Variants in CXCL5 observed in about 807,000 individuals in gnomAD.
CXCL5 encodes C-X-C motif chemokine 5.
In CXCL5, 13 loss-of-function variants were observed where a neutral mutation model predicts 12.1. The observed-to-expected ratio is 1.08, with a 90% CI of 0.70 to 1.71. The LOEUF (loss-of-function observed/expected upper bound fraction) is 1.71, where lower values mean the gene tolerates loss of function less well. CXCL5 is among the 40% of genes most tolerant of loss of function. The pLI, the probability that CXCL5 is intolerant of heterozygous loss-of-function variation, is 0.00. For synonymous variants in CXCL5, 67 were observed against 59.0 expected (o/e 1.14, Z -0.62); for missense variants, 159 against 142.4 (o/e 1.12, Z -0.59).
chr4:73,996,368 C>G lies in CXCL5; in HGVS notation c.*1269G>C, dbSNP rs1719192190. The G allele has an allele frequency of 6.6e-6, 1 of 152,584 alleles. No individual in the cohort carries two copies. The highest frequency in any genetic ancestry group is 2.4e-5 in the African/African-American group (1 of 41,440). 9.5% of individuals were successfully genotyped at this position (152,584 alleles called of 1,614,324 possible). The stretch of plus-strand genomic sequence containing the variant: ...CCGACAGGCATCTTCCCTGCCCTCC[C>G]CGCTCCCGCTCGTCTTCTGCAATCC... On this transcript the variant is annotated 3_prime_UTR_variant, in exon 4 of 4. Transcript: ENST00000296027.
Position 73,996,723 on chromosome 4 carries a change from G to A in CXCL5, c.*914C>T, listed in dbSNP as rs1458372077. 1 of 152,448 alleles carries A rather than the reference G, an allele frequency of 6.6e-6. No homozygotes were observed. Among genetic ancestry groups the A allele is most frequent in the Middle Eastern group, 3.4e-3 (1 of 294 alleles). The allele number at this position is 152,448 out of a possible 1,614,324, so 9.4% of individuals were successfully genotyped here. ...ATTTATATTCAAATTGTTTGAATAC[G>A]TTTCCAAAACTTTCAGAGTACAAGT... On this transcript the variant is annotated 3_prime_UTR_variant, in exon 4 of 4. Coordinates refer to ENST00000296027, the MANE Select transcript of CXCL5 (RefSeq NM_002994.5).
In CXCL5 at chr4:73,995,906, A is replaced by T. The variant is rs1719181718; in HGVS notation, c.*1731T>A. 1 of 150,850 alleles carries T rather than the reference A, an allele frequency of 6.6e-6. No individual in the cohort carries two copies. Among genetic ancestry groups the T allele is most frequent in the Non-Finnish European group, 1.5e-5 (1 of 67,692 alleles). 9.3% of individuals were successfully genotyped at this position (150,850 alleles called of 1,614,324 possible). Reference sequence around the variant, plus strand: ...CCAAGAAATGTTTTATTTTTCTTGCAGTAGCTTTGTTAATTGCACAAAATT... The same window carrying T: ...CCAAGAAATGTTTTATTTTTCTTGCTGTAGCTTTGTTAATTGCACAAAATT... On this transcript the variant is annotated 3_prime_UTR_variant, in exon 4 of 4. Coordinates refer to ENST00000296027, the MANE Select transcript of CXCL5 (RefSeq NM_002994.5).
rs1332152436 is a variant in CXCL5, at chr4:73,996,539, TAC to T, written c.*1096_*1097del. The T allele has an allele frequency of 6.6e-6, 1 of 152,486 alleles. No individual in the cohort carries two copies. Among genetic ancestry groups the T allele is most frequent in the African/African-American group, 2.4e-5 (1 of 41,386 alleles). The allele number at this position is 152,486 out of a possible 1,614,324, so 9.4% of individuals were successfully genotyped here. ...TTATGATTTTGGAAAATCTAACCCA[TAC>T]AGAGGGATAAAAAATTGACATCCCT... On this transcript the variant is annotated 3_prime_UTR_variant, in exon 4 of 4. Coordinates refer to ENST00000296027, the MANE Select transcript of CXCL5 (RefSeq NM_002994.5).
At chr4:73,998,375 T>C in intron 1 of CXCL5, 37 bp from the exon 2 acceptor site, 1 of 1,612,184 alleles carries the variant, frequency 6.2e-7, no homozygotes. Flanking sequence ...ATAGGGCAGG[T>C]TGCTGGGAGA....
At position 73,998,344 on chromosome 4, in the gene CXCL5, GAAGA is replaced by G. The variant is rs748488678; in HGVS notation, c.110-10_110-7del. 4.6e-5 allele frequency: 74 copies of G among 1,613,922 alleles called. No individual in the cohort carries two copies. Among genetic ancestry groups the G allele is most frequent in the Non-Finnish European group, 6.0e-5 (71 of 1,180,018 alleles). On this transcript the variant is annotated splice_region_variant and splice_polypyrimidine_tract_variant and intron_variant, in intron 1 of 3. Coordinates refer to ENST00000296027, the MANE Select transcript of CXCL5 (RefSeq NM_002994.5). ...CACAGCAGCGGCAGGACCAGCTGGGGAAGAAAGAGAGACACCCTTTATAGGGCAG... is the reference window on the plus strand; with the variant it reads ...CACAGCAGCGGCAGGACCAGCTGGGGAAGAGAGACACCCTTTATAGGGCAG...
chr4:73,998,452 C>T (rs1301600048), intron 1 of CXCL5, 21 bp downstream of exon 1: 1 of 1,606,766 alleles, frequency 6.2e-7, no homozygotes, highest in Non-Finnish European at 8.5e-7. Flanking sequence ...CGAGTGCGTC[C>T]CGCGCGCCAT....
chr4:73,998,001 G>C lies in CXCL5; in HGVS notation c.326+11C>G. 1 of 1,610,118 alleles carries C rather than the reference G, an allele frequency of 6.2e-7. No individual in the cohort carries two copies. The highest frequency in any genetic ancestry group is 8.5e-7 in the Non-Finnish European group (1 of 1,176,466). ...AGATTTAGAAACCACAAAGATCAAAGTGACAAGTACCCGTCCAAAATTTTC... is the reference window on the plus strand; with the variant it reads ...AGATTTAGAAACCACAAAGATCAAACTGACAAGTACCCGTCCAAAATTTTC... On this transcript the variant is annotated intron_variant, in intron 3 of 3. Transcript: ENST00000296027.
chr4:73,997,880 T>A, intron 3 of CXCL5, 132 bp downstream of exon 3: 1 of 963,072 alleles, frequency 1.0e-6, no homozygotes, highest in East Asian at 2.4e-5. Context: ...AGAAAAACTT[T>A]CCCAATTCAA....
chr4:73,997,302 T>A lies in CXCL5; in HGVS notation c.*335A>T, dbSNP rs1239380830. On this transcript the variant is annotated 3_prime_UTR_variant, in exon 4 of 4. Coordinates refer to ENST00000296027, the MANE Select transcript of CXCL5 (RefSeq NM_002994.5). ...TTGGAAATATAATAGTCACCTACAATTCAAGACACTTTGAAAGATTAACAG... is the reference window on the plus strand; with the variant it reads ...TTGGAAATATAATAGTCACCTACAAATCAAGACACTTTGAAAGATTAACAG... The A allele has an allele frequency of 3.7e-6, 1 of 268,010 alleles. No homozygotes were observed. The highest frequency in any genetic ancestry group is 6.9e-6 in the Non-Finnish European group (1 of 144,916). The allele number at this position is 268,010 out of a possible 1,614,324, so 16.6% of individuals were successfully genotyped here.
chr4:73,997,745 TA>T, intron 3 of CXCL5, 90 bp from the exon 4 acceptor site: 2 of 1,089,706 alleles, frequency 1.8e-6, no homozygotes, highest in South Asian at 1.4e-5. Flanking sequence ...TGATGTTTGG[TA>T]AAAAAGGAGA....
Position 73,997,501 on chromosome 4 carries a change from A to G in CXCL5, c.*136T>C, listed in dbSNP as rs1719221005. 1 of 710,502 alleles carries G rather than the reference A, an allele frequency of 1.4e-6. No individual in the cohort carries two copies. 44.0% of individuals were successfully genotyped at this position (710,502 alleles called of 1,614,324 possible). ...CTTCAAAGTGAGGAATCCAGGAAGAAAGCTAACTACTGGAAAAACAAATAA... is the reference window on the plus strand; with the variant it reads ...CTTCAAAGTGAGGAATCCAGGAAGAGAGCTAACTACTGGAAAAACAAATAA... On this transcript the variant is annotated 3_prime_UTR_variant, in exon 4 of 4. Coordinates refer to ENST00000296027, the MANE Select transcript of CXCL5 (RefSeq NM_002994.5).
Position 73,995,994 on chromosome 4 carries a change from T to G in CXCL5, c.*1643A>C. ...CCTATTCTGAAAGACAAATGTTCAT[T>G]AAAAACAAAGCAAAAATAGAAATTC... On this transcript the variant is annotated 3_prime_UTR_variant, in exon 4 of 4. Transcript: ENST00000296027. The G allele has an allele frequency of 6.6e-6, 1 of 152,344 alleles. No homozygotes were observed. The highest frequency in any genetic ancestry group is 1.9e-4 in the East Asian group (1 of 5,192). 9.4% of individuals were successfully genotyped at this position (152,344 alleles called of 1,614,324 possible).
chr4:73,998,217 C>T lies in CXCL5; in HGVS notation c.231G>A (p.Lys77=). The T allele has an allele frequency of 1.2e-6, 2 of 1,614,248 alleles. No homozygotes were observed. Among genetic ancestry groups the T allele is most frequent in the East Asian group, 2.2e-5 (1 of 44,882 alleles). The change falls in exon 2 of 4, where the codon AAG becomes AAA. Residue 77 remains lysine, a synonymous_variant. Transcript: ENST00000296027. ...AGCACAGAACTTACACCACTTCCAC[C>T]TTGGAGCACTGTGGGCCTATGGCGA... ...QVFAIGPQCS[K]VEVVASLKNG...
At position 73,998,065 on chromosome 4, in the gene CXCL5, A is replaced by G. The variant is rs1273948177; in HGVS notation, c.273T>C (p.Cys91=). 1 of 1,614,130 alleles carries G rather than the reference A, an allele frequency of 6.2e-7. No individual in the cohort carries two copies. Among genetic ancestry groups the G allele is most frequent in the Middle Eastern group, 1.6e-4 (1 of 6,062 alleles). Reference sequence around the variant, plus strand: ...TTAGAAAAGGGGCTTCTGGATCAAGACAAATTTCCTTCCCGTTCTTCAGGG... The same window carrying G: ...TTAGAAAAGGGGCTTCTGGATCAAGGCAAATTTCCTTCCCGTTCTTCAGGG... ...VASLKNGKEI[C]LDPEAPFLKK... The change falls in exon 3 of 4, where the codon TGT becomes TGC. Residue 91 remains cysteine, a synonymous_variant. Coordinates refer to ENST00000296027, the MANE Select transcript of CXCL5 (RefSeq NM_002994.5).
At position 73,998,597 on chromosome 4, in the gene CXCL5, G is replaced by T. The variant is rs201000826; in HGVS notation, c.-16C>A. On this transcript the variant is annotated 5_prime_UTR_variant, in exon 1 of 4. Transcript: ENST00000296027. Reference sequence around the variant, plus strand: ...GGAGGCTCATAGTGGTCAAGAGAGCGCTGCGAGCGGTCGCGGGTTCCTGAA... The same window carrying T: ...GGAGGCTCATAGTGGTCAAGAGAGCTCTGCGAGCGGTCGCGGGTTCCTGAA... The T allele has an allele frequency of 3.2e-6, 5 of 1,566,086 alleles. No individual in the cohort carries two copies. The highest frequency in any genetic ancestry group is 2.4e-5 in the East Asian group (1 of 41,882).
chr4:73,998,243 A>T lies in CXCL5; in HGVS notation c.205T>A (p.Phe69Ile). ...HPKMISNLQV[F>I]AIGPQCSKVE... ...TTGGAGCACTGTGGGCCTATGGCGA[A>T]CACTTGCAGATTACTGATCATTTTG... Residue 69 changes from phenylalanine to isoleucine, a missense_variant, in exon 2 of 4, where the codon TTC becomes ATC. Phe to Ile is a conservative substitution (Grantham distance 21). Transcript: ENST00000296027. 6.2e-7 allele frequency: 1 copy of T among 1,614,170 alleles called. No homozygotes were observed. The highest frequency in any genetic ancestry group is 8.5e-7 in the Non-Finnish European group (1 of 1,180,026).
rs1719187474 is a variant in CXCL5, at chr4:73,996,175, A to C, written c.*1462T>G. On this transcript the variant is annotated 3_prime_UTR_variant, in exon 4 of 4. Coordinates refer to ENST00000296027, the MANE Select transcript of CXCL5 (RefSeq NM_002994.5). ...AGCTTAAACAGAAATATTTGTAAAAATAAACTTTACAGCATTATCAAGGAT... is the reference window on the plus strand; with the variant it reads ...AGCTTAAACAGAAATATTTGTAAAACTAAACTTTACAGCATTATCAAGGAT... The C allele has an allele frequency of 6.6e-6, 1 of 152,668 alleles. No individual in the cohort carries two copies. Among genetic ancestry groups the C allele is most frequent in the African/African-American group, 2.4e-5 (1 of 41,462 alleles). The allele number at this position is 152,668 out of a possible 1,614,324, so 9.5% of individuals were successfully genotyped here.
At chr4:73,998,161 T>A (rs1719239010) in intron 2 of CXCL5, 45 bp downstream of exon 2, 3 of 1,613,966 alleles carry the variant, frequency 1.9e-6, no homozygotes, top group African/African-American at 1.3e-5. Context: ...CTGCGGGATT[T>A]CTCTCTTGCC....
chr4:73,998,572 G>A lies in CXCL5; in HGVS notation c.10C>T (p.Leu4=). 6.3e-7 allele frequency: 1 copy of A among 1,586,766 alleles called. No individual in the cohort carries two copies. The highest frequency in any genetic ancestry group is 8.6e-7 in the Non-Finnish European group (1 of 1,166,516). Residue 4 remains leucine, a synonymous_variant, in exon 1 of 4, where the codon CTG becomes TTG. Transcript: ENST00000296027. The part of the protein sequence containing the change: MSL[L]SSRAARVPGP... ...GGGACACGGGCCGCGCGGCTGGACAGGAGGCTCATAGTGGTCAAGAGAGCG... is the reference window on the plus strand; with the variant it reads ...GGGACACGGGCCGCGCGGCTGGACAAGAGGCTCATAGTGGTCAAGAGAGCG...
Sources: allele counts gnomAD v4.1 joint callset, GRCh38; gene constraint gnomAD v4.1.1; transcripts MANE v1.5; gene names NCBI Gene and HGNC (gene_info 2026-07-23, HGNC 2026-07-21).